Variants in UBOX5 observed in about 807,000 individuals in gnomAD.
UBOX5 encodes RING finger protein 37.
Under a neutral mutation model 39.0 loss-of-function variants are expected in UBOX5, and 28 were observed. That is an observed-to-expected ratio of 0.72 (90% CI 0.53 to 0.98). The LOEUF (loss-of-function observed/expected upper bound fraction) is 0.98. UBOX5 is among the 50% of genes least tolerant of loss of function. UBOX5 has a pLI of 0.00. For synonymous variants in UBOX5, 283 were observed against 275.5 expected (o/e 1.03, Z -0.27); for missense variants, 585 against 674.4 (o/e 0.87, Z 1.47).
At chr20:3,143,776 A>G (rs2066538119) in intron 1 of UBOX5, among the ~76,000 whole-genome samples, 1 of 152,054 alleles carries the variant, frequency 6.6e-6, no homozygotes, top group East Asian at 1.9e-4. Flanking sequence ...TGGGTGACAG[A>G]GTGAGACTCC....
chr20:3,158,918 C>A, intron 1 of UBOX5, among the ~76,000 whole-genome samples: 1 of 152,286 alleles, frequency 6.6e-6, no homozygotes, highest in South Asian at 2.1e-4. Context: ...AATTCAGATT[C>A]CAGCAGCAAC....
At chr20:3,114,650 G>GA (rs751815826) in intron 4 of UBOX5, among the ~76,000 whole-genome samples, 12 of 151,986 alleles carry the variant, frequency 7.9e-5, no homozygotes, top group East Asian at 7.7e-4. Context: ...GGCTAGATGA[G>GA]AAAAAAATAA....
intron 1 of UBOX5, among the ~76,000 whole-genome samples, chr20:3,128,646 G>C (rs1264556256): frequency 6.6e-6 from 1 of 152,088 alleles, no homozygotes; most frequent in African/African-American, 2.4e-5. Context: ...AGGATCACTT[G>C]AGCCCAGGAG....
intron 1 of UBOX5, chr20:3,146,926 A>G (rs1204660358): frequency 6.8e-6 from 11 of 1,614,196 alleles, no homozygotes; most frequent in African/African-American, 1.3e-5. Flanking sequence ...TGTGCAGTCC[A>G]AGGAGATCCC....
At chr20:3,152,408 G>A (rs143998028) in intron 1 of UBOX5, among the ~76,000 whole-genome samples, 1,899 of 151,550 alleles carry the variant, frequency 0.013, 18 homozygotes, top group South Asian at 0.056. Flanking sequence ...AGGCTGAGGC[G>A]GGAGAATCAC....
At chr20:3,135,786 TAA>T (rs3838048) in intron 1 of UBOX5, among the ~76,000 whole-genome samples, 77 of 149,876 alleles carry the variant, frequency 5.1e-4, no homozygotes, top group Middle Eastern at 3.4e-3. Flanking sequence ...AGGTTGTAGT[TAA>T]AAAAAAAAAA....
chr20:3,119,812 C>T lies in UBOX5; in HGVS notation c.1255+1572G>A, dbSNP rs181485542. Among the ~76,000 whole-genome samples the T allele has an allele frequency of 4.6e-5, 7 of 152,156 alleles. No individual in the cohort carries two copies. In the East Asian group the frequency reaches 1.4e-3, roughly 30 times the overall value. On this transcript the variant is annotated intron_variant, in intron 3 of 4. Transcript: ENST00000217173. ...GAGGCTGCAGTGAGACGAGATTGCG[C>T]CATTGCACTCCAGCCTGGGTAACAG...
intron 3 of UBOX5, among the ~76,000 whole-genome samples, chr20:3,119,938 C>T (rs949418581): frequency 6.6e-6 from 1 of 152,138 alleles, no homozygotes; most frequent in Non-Finnish European, 1.5e-5. Context: ...CATTCAGCTG[C>T]AGAGGTCACC....
Position 3,143,801 on chromosome 20 carries a change from A to AC in UBOX5, c.-42+15964_-42+15965insG, listed in dbSNP as rs576137349. Among the ~76,000 whole-genome samples the AC allele has an allele frequency of 4.0e-3, 609 of 151,102 alleles. 2 individuals are homozygous for AC. Among genetic ancestry groups the AC allele is most frequent in the African/African-American group, 0.014 (576 of 41,226 alleles). ...AGTGAGACTCCGTCTCAAAAAAACA[A>AC]AAAAAAAATTAGCCAGTTATGGTGG... is the stretch of plus-strand genomic sequence containing the variant. On this transcript the variant is annotated intron_variant, in intron 1 of 4. Coordinates refer to ENST00000217173, the MANE Select transcript of UBOX5 (RefSeq NM_014948.4).
At chr20:3,134,983 A>G (rs2148607615) in intron 1 of UBOX5, among the ~76,000 whole-genome samples, 1 of 152,316 alleles carries the variant, frequency 6.6e-6, no homozygotes, top group South Asian at 2.1e-4. Context: ...GGAATCAAGT[A>G]ATGGGTTAAA....
intron 1 of UBOX5, among the ~76,000 whole-genome samples, chr20:3,138,274 C>CAA (rs60424679): frequency 0.098 from 10,427 of 105,884 alleles, 483 homozygotes; most frequent in Middle Eastern, 0.16. Context: ...GAGACTGTCT[C>CAA]AAAAAAAAAA....
chr20:3,139,810 A>G (rs1050490468), intron 1 of UBOX5, among the ~76,000 whole-genome samples: 2 of 151,656 alleles, frequency 1.3e-5, no homozygotes, highest in African/African-American at 4.9e-5. Context: ...CCTGGGTTCA[A>G]GCGATTCTCC....
chr20:3,151,372 C>T (rs1469582059), intron 1 of UBOX5, among the ~76,000 whole-genome samples: 3 of 152,180 alleles, frequency 2.0e-5, no homozygotes, highest in African/African-American at 7.2e-5. Context: ...TTTCCTGCTA[C>T]AAGAGCAGAA....
rs1600352113 is a variant in UBOX5, at chr20:3,109,897, C to T, written c.*209G>A. 6.3e-6 allele frequency: 4 copies of T among 633,048 alleles called. No individual in the cohort carries two copies. The highest frequency in any genetic ancestry group is 5.6e-5 in the East Asian group (2 of 35,770). The allele number at this position is 633,048 out of a possible 1,614,324, so 39.2% of individuals were successfully genotyped here. On this transcript the variant is annotated 3_prime_UTR_variant, in exon 5 of 5. Coordinates refer to ENST00000217173, the MANE Select transcript of UBOX5 (RefSeq NM_014948.4). Reference sequence around the variant, plus strand: ...GGGGTGGCAGGGAGGCAGGGACATCCCCCCGCCCTCTGGCCTATGGCTTTG... The same window carrying T: ...GGGGTGGCAGGGAGGCAGGGACATCTCCCCGCCCTCTGGCCTATGGCTTTG...
chr20:3,150,209 TG>T (rs2066610661), intron 1 of UBOX5, among the ~76,000 whole-genome samples: 1 of 152,098 alleles, frequency 6.6e-6, no homozygotes, highest in Non-Finnish European at 1.5e-5. Flanking sequence ...CACAGAGTAA[TG>T]GTGTTATTAG....
chr20:3,123,074 A>C (rs1400444678), intron 2 of UBOX5, among the ~76,000 whole-genome samples: 2 of 152,188 alleles, frequency 1.3e-5, no homozygotes, highest in African/African-American at 4.8e-5. Flanking sequence ...ATCAAAGAAC[A>C]AAGAGCACAG....
chr20:3,148,605 T>A (rs1411757293), intron 1 of UBOX5: 3 of 1,614,180 alleles, frequency 1.9e-6, no homozygotes, highest in Non-Finnish European at 2.5e-6. Context: ...TGGAGATTAT[T>A]TTGATTAACT....
intron 1 of UBOX5, among the ~76,000 whole-genome samples, chr20:3,144,702 G>C (rs1026745025): frequency 6.6e-6 from 1 of 152,144 alleles, no homozygotes; most frequent in Non-Finnish European, 1.5e-5. Flanking sequence ...CACATATATT[G>C]TATCTGTTAC....
Position 3,109,863 on chromosome 20 carries a change from C to T in UBOX5, c.*243G>A. ...GGCTGGCTCCAGTGGGTCCTGGGCT[C>T]AGGCAGGGGGGGTGGCAGGGAGGCA... On this transcript the variant is annotated 3_prime_UTR_variant, in exon 5 of 5. Coordinates refer to ENST00000217173, the MANE Select transcript of UBOX5 (RefSeq NM_014948.4). The T allele has an allele frequency of 1.7e-6, 1 of 577,676 alleles. No individual in the cohort carries two copies. The highest frequency in any genetic ancestry group is 2.0e-5 in the South Asian group (1 of 50,088). 35.8% of individuals were successfully genotyped at this position (577,676 alleles called of 1,614,324 possible).
Sources: gnomAD v4.1 joint callset for allele counts (sites outside exome capture counted in the v4.1 genomes callset) on GRCh38, gnomAD v4.1.1 for gene constraint, MANE v1.5 for transcripts, NCBI Gene and HGNC (gene_info 2026-07-23, HGNC 2026-07-21) for gene names.